Variants in ZNF326 observed in about 807,000 individuals in gnomAD.
ZNF326 encodes zinc finger protein 326.
In ZNF326, 30 loss-of-function variants were observed where a neutral mutation model predicts 63.1. The ratio of observed to expected loss-of-function variants is 0.48; its 90% CI spans 0.36 to 0.64. The LOEUF is 0.64. Ranked by LOEUF, ZNF326 falls within the 30% of genes least tolerant of loss-of-function variation. The pLI, the probability that ZNF326 is intolerant of heterozygous loss-of-function variation, is 0.00. For synonymous variants in ZNF326, 194 were observed against 228.2 expected (o/e 0.85, Z 1.35); for missense variants, 609 against 720.3 (o/e 0.85, Z 1.77).
chr1:89,995,236 C>T lies in ZNF326; in HGVS notation c.-22C>T, dbSNP rs773970479. 7 of 1,546,864 alleles carry T rather than the reference C, an allele frequency of 4.5e-6. No individual in the cohort carries two copies. The South Asian group carries it at 4.8e-5, about 11-fold the overall frequency. ...ATAGCTCAGCCTAGCGCCGCCAAGG[C>T]CGACGGCCCTCAGCCTCTGCCATGG... On this transcript the variant is annotated 5_prime_UTR_variant, in exon 1 of 12. Coordinates refer to ENST00000340281, the MANE Select transcript of ZNF326 (RefSeq NM_182976.4).
intron 6 of ZNF326, among the ~76,000 whole-genome samples, chr1:90,011,385 T>C (rs1024221418): frequency 1.3e-5 from 2 of 152,170 alleles, no homozygotes; most frequent in Admixed American, 6.5e-5. Flanking sequence ...GTACAACATG[T>C]CATAGTTTTA....
At chr1:90,012,480 T>A (rs371752043) in intron 6 of ZNF326, among the ~76,000 whole-genome samples, 29 of 152,334 alleles carry the variant, frequency 1.9e-4, no homozygotes, top group African/African-American at 6.7e-4. Context: ...CTTTATGGGA[T>A]GATGAACAGT....
At chr1:89,995,667 C>G (rs1031266228) in intron 1 of ZNF326, among the ~76,000 whole-genome samples, 8 of 152,252 alleles carry the variant, frequency 5.3e-5, no homozygotes, top group African/African-American at 1.9e-4. Context: ...GGGCAGCGAC[C>G]CAGACCGTCC....
In ZNF326 at chr1:90,020,826, G is replaced by T. The variant is rs781099364; in HGVS notation, c.1209G>T (p.Glu403Asp). 6.2e-7 allele frequency: 1 copy of T among 1,612,722 alleles called. No homozygotes were observed. The highest frequency in any genetic ancestry group is 1.3e-5 in the African/African-American group (1 of 74,862). The change falls in exon 10 of 12, where the codon GAG (glutamate) becomes GAT (aspartate). Residue 403 changes from glutamate (E) to aspartate (D), a missense_variant. By Grantham distance (45) the Glu-to-Asp change is conservative. This residue lies in a region of ZNF326 where 399 missense variants were observed against 444.3 expected (regional missense o/e 0.90). Transcript: ENST00000340281. The part of the protein sequence containing the change: ...VTVDDHMMKV[E>D]TVHCSACSVY... ...TAGATGATCACATGATGAAGGTAGA[G>T]ACAGTTCATTGCAGCGCTTGCAGTG...
chr1:90,019,485 A>G (rs1258761210), intron 9 of ZNF326, among the ~76,000 whole-genome samples: 1 of 152,164 alleles, frequency 6.6e-6, no homozygotes, highest in African/African-American at 2.4e-5. Flanking sequence ...TATATGATTC[A>G]TGAATCATTT....
rs773830157 is a variant in ZNF326, at chr1:90,027,467, GGAA to G, written c.1523_1525del (p.Glu508del). The G allele has an allele frequency of 5.6e-6, 9 of 1,612,950 alleles. No homozygotes were observed. Among genetic ancestry groups the G allele is most frequent in the East Asian group, 4.5e-5 (2 of 44,858 alleles). On this transcript the variant is annotated inframe_deletion, in exon 12 of 12. Transcript: ENST00000340281. ...TTGAAGAAGAGGAGGATGAAGATGA[GGAA>G]GAAGAAGCAGAGGAAGTGGGGGAAG...
At chr1:89,995,465 C>T (rs763735820) in intron 1 of ZNF326, among the ~76,000 whole-genome samples, 192 bp downstream of exon 1, 22 of 152,352 alleles carry the variant, frequency 1.4e-4, no homozygotes, top group Non-Finnish European at 2.6e-4. Flanking sequence ...GCCCGCTCGG[C>T]GCCCGCTGCC....
intron 9 of ZNF326, 75 bp downstream of exon 9, chr1:90,018,859 A>T: frequency 1.2e-6 from 1 of 839,368 alleles, no homozygotes. Flanking sequence ...AATGTAAATG[A>T]TAGCCACTAG....
At chr1:90,006,005 G>C in intron 4 of ZNF326, 1 of 985,364 alleles carries the variant, frequency 1.0e-6, no homozygotes, top group Non-Finnish European at 1.2e-6. Context: ...GAGGCACAAA[G>C]GTTCCTGCTG....
intron 8 of ZNF326, 104 bp from the exon 9 acceptor site, chr1:90,018,580 CT>C: frequency 1.9e-6 from 1 of 539,092 alleles, no homozygotes; most frequent in Non-Finnish European, 3.3e-6. Context: ...GATGTTAATT[CT>C]TATGTAGCAG....
Position 90,035,014 on chromosome 1 carries a change from A to G in ZNF326, c.*7313A>G, listed in dbSNP as rs1180289669. 6.6e-6 allele frequency: 1 copy of G among 152,226 alleles called. No individual in the cohort carries two copies. The highest frequency in any genetic ancestry group is 2.4e-5 in the African/African-American group (1 of 41,464). 9.4% of individuals were successfully genotyped at this position (152,226 alleles called of 1,614,324 possible). ...CTTAAAAAAAAATACCATAAGCTTGATAGATGCTCGAAAAACATTTCCTAA... is the reference window on the plus strand; with the variant it reads ...CTTAAAAAAAAATACCATAAGCTTGGTAGATGCTCGAAAAACATTTCCTAA... On this transcript the variant is annotated 3_prime_UTR_variant, in exon 12 of 12. Transcript: ENST00000340281.
rs1649059978 is a variant in ZNF326, at chr1:90,007,851, T to C, written c.615+101T>C. The C allele has an allele frequency of 2.5e-6, 3 of 1,178,982 alleles. No homozygotes were observed. The highest frequency in any genetic ancestry group is 1.6e-5 in the African/African-American group (1 of 63,674). The allele number at this position is 1,178,982 out of a possible 1,614,324, so 73.0% of individuals were successfully genotyped here. A position where few individuals can be genotyped will look rare whatever the true frequency, so the allele number is the denominator to read the frequency against. On this transcript the variant is annotated intron_variant, in intron 5 of 11. Coordinates refer to ENST00000340281, the MANE Select transcript of ZNF326 (RefSeq NM_182976.4). This position sits in a 1 kb window ranked among gnomAD's most constrained non-coding sequence, Gnocchi z 4.9. ...CTAGAATAAACACTGTTCATCCCGG[T>C]GTATTTTGAAGCAAAAGCTGAGTCA...
chr1:90,005,493 G>A, intron 4 of ZNF326: 3 of 1,135,664 alleles, frequency 2.6e-6, no homozygotes, highest in Non-Finnish European at 3.2e-6. Context: ...ACACTTTTTA[G>A]CAGTGAACTT....
chr1:90,023,404 A>G (rs927683812), intron 11 of ZNF326, among the ~76,000 whole-genome samples: 3 of 152,218 alleles, frequency 2.0e-5, no homozygotes, highest in Admixed American at 1.3e-4. Context: ...AAAACCTGAT[A>G]CATATTTAGT....
chr1:90,025,788 A>G (rs1432140825), intron 11 of ZNF326, among the ~76,000 whole-genome samples: 1 of 152,188 alleles, frequency 6.6e-6, no homozygotes, highest in East Asian at 1.9e-4. Context: ...ATAGTACAAT[A>G]AATCCTCAAG....
Position 90,017,323 on chromosome 1 carries a change from A to C in ZNF326, c.933A>C (p.Ala311=). 6.3e-7 allele frequency: 1 copy of C among 1,592,180 alleles called. No individual in the cohort carries two copies. The highest frequency in any genetic ancestry group is 8.5e-7 in the Non-Finnish European group (1 of 1,172,846). Residue 311 remains alanine, a synonymous_variant, in exon 8 of 12, where the codon GCA becomes GCC. Transcript: ENST00000340281. ...SEKYGDGYRM[A]FTCSFCKFRT... ...ACTTTTTTTTCTCTTACAGAATGGC[A>C]TTTACATGTTCATTTTGTAAATTTC... is the stretch of plus-strand genomic sequence containing the variant.
chr1:90,025,998 G>A lies in ZNF326; in HGVS notation c.1402-1356G>A, dbSNP rs115824968. ...TTTTTTTTTTTCGAGACAGAGTCTC[G>A]CTGTGTCGCCCAGGCCATGCAGTGG... On this transcript the variant is annotated intron_variant, in intron 11 of 11. Transcript: ENST00000340281. Among the ~76,000 whole-genome samples the A allele has an allele frequency of 3.4e-3, 506 of 146,800 alleles. 5 individuals are homozygous for A. The highest frequency in any genetic ancestry group is 0.011 in the African/African-American group (440 of 39,478).
chr1:90,022,426 T>TA (rs1395060642), intron 11 of ZNF326, 81 bp downstream of exon 11: 2 of 977,578 alleles, frequency 2.0e-6, no homozygotes, highest in Non-Finnish European at 1.6e-6. Context: ...CCTTTTGTGA[T>TA]ACTTGAATAT....
At chr1:90,006,507 ACT>A (rs1648996026) in intron 4 of ZNF326, 8 of 983,874 alleles carry the variant, frequency 8.1e-6, no homozygotes, top group Middle Eastern at 5.2e-4. Flanking sequence ...TCTTCTGTTA[ACT>A]CTCTTAAAAC....
Sources: allele counts gnomAD v4.1 joint callset (sites outside exome capture counted in the v4.1 genomes callset), GRCh38; gene constraint gnomAD v4.1.1; regional missense constraint gnomAD v4.1.1; non-coding constraint Gnocchi (gnomAD v3.1); transcripts MANE v1.5; gene names NCBI Gene and HGNC (gene_info 2026-07-23, HGNC 2026-07-21).